MAPK8: variants seen among roughly 807,000 people sequenced by gnomAD.
The protein encoded by MAPK8 is mitogen-activated protein kinase 8.
Under a neutral mutation model 52.9 loss-of-function variants are expected in MAPK8, and 13 were observed. The observed-to-expected ratio is 0.25, with a 90% confidence interval of 0.16 to 0.39. The LOEUF (loss-of-function observed/expected upper bound fraction) is 0.39. MAPK8 is among the 10% of genes least tolerant of loss of function. The pLI is 1.00. For missense variants in MAPK8, 300 were observed against 519.2 expected (o/e 0.58, Z 4.10); for synonymous variants, 191 against 169.8 (o/e 1.12, Z -0.97).
At chr10:48,335,421 T>C (rs1844591068) in intron 1 of MAPK8, among the ~76,000 whole-genome samples, 1 of 152,200 alleles carries the variant, frequency 6.6e-6, no homozygotes, top group South Asian at 2.1e-4. Context: ...ACAGCTGCCA[T>C]ATTATATAAT....
In MAPK8 at chr10:48,339,808, A is replaced by G. The variant is rs191786236; in HGVS notation, c.-50+32987A>G. On this transcript the variant is annotated intron_variant, in intron 1 of 11. Coordinates refer to ENST00000374189, the MANE Select transcript of MAPK8 (RefSeq NM_001323329.2). Reference sequence around the variant, plus strand: ...GCGAAAAAAGGTGAAATAATGTGCAACATCACTAATCATCAGAGAAATGAA... The same window carrying G: ...GCGAAAAAAGGTGAAATAATGTGCAGCATCACTAATCATCAGAGAAATGAA... 3.0e-4 allele frequency among the ~76,000 whole-genome samples: 46 copies of G among 152,340 alleles called. No individual in the cohort carries two copies. In the East Asian group the frequency reaches 6.4e-3, roughly 21 times the overall value.
intron 2 of MAPK8, among the ~76,000 whole-genome samples, chr10:48,402,637 A>G (rs1419195078): frequency 6.6e-6 from 1 of 152,226 alleles, no homozygotes; most frequent in East Asian, 1.9e-4. Context: ...GCCTCACTCA[A>G]GAATAATTAT....
At chr10:48,396,205 A>T (rs560136066) in intron 1 of MAPK8, among the ~76,000 whole-genome samples, 2 of 152,184 alleles carry the variant, frequency 1.3e-5, no homozygotes, top group African/African-American at 2.4e-5. Context: ...CGCATGTCTG[A>T]TAAATGTGTA....
chr10:48,356,645 C>A (rs562186734), intron 1 of MAPK8, among the ~76,000 whole-genome samples: 6 of 151,836 alleles, frequency 4.0e-5, no homozygotes, highest in African/African-American at 1.4e-4. Context: ...AGTTCAAGAC[C>A]AGCCTGGCCA....
intron 1 of MAPK8, among the ~76,000 whole-genome samples, chr10:48,363,912 T>C (rs1847795779): frequency 6.6e-6 from 1 of 152,232 alleles, no homozygotes; most frequent in African/African-American, 2.4e-5. Flanking sequence ...TTCATATCAG[T>C]AGTAAAAAGT....
chr10:48,423,050 T>C (rs573879369), intron 6 of MAPK8, among the ~76,000 whole-genome samples: 1 of 152,318 alleles, frequency 6.6e-6, no homozygotes, highest in African/African-American at 2.4e-5. Context: ...GGCTTTTCCT[T>C]CTAAATTGCT....
At chr10:48,350,052 C>T (rs1846158611) in intron 1 of MAPK8, among the ~76,000 whole-genome samples, 1 of 152,050 alleles carries the variant, frequency 6.6e-6, no homozygotes, top group South Asian at 2.1e-4. Flanking sequence ...ATATAGCCTC[C>T]CAAGACTAAA....
At position 48,435,056 on chromosome 10, in the gene MAPK8, G is replaced by GTGT; in HGVS notation, c.*27_*28insTGT. The GTGT allele has an allele frequency of 1.6e-6, 2 of 1,214,558 alleles. No homozygotes were observed. The highest frequency in any genetic ancestry group is 2.3e-6 in the Non-Finnish European group (2 of 870,324). The allele number at this position is 1,214,558 out of a possible 1,614,324, so 75.2% of individuals were successfully genotyped here. A position where few individuals can be genotyped will look rare whatever the true frequency, so the allele number is the denominator to read the frequency against. On this transcript the variant is annotated 3_prime_UTR_variant, in exon 12 of 12. Transcript: ENST00000374189. ...TACTTGGGCCATCGGGGGGTGGGAG[G>GTGT]GATGGGGAGTCGGTTAGTCATTGAT...
intron 7 of MAPK8, chr10:48,424,492 T>C: frequency 6.7e-7 from 1 of 1,489,784 alleles, no homozygotes. Flanking sequence ...TTTATGTTAA[T>C]GTCATTGCAT....
chr10:48,397,136 T>G (rs1287066423), intron 1 of MAPK8, among the ~76,000 whole-genome samples: 1 of 151,952 alleles, frequency 6.6e-6, no homozygotes, highest in Non-Finnish European at 1.5e-5. Context: ...TTACTTATGG[T>G]AATTTTAATT....
At chr10:48,316,158 T>C (rs1432329157) in intron 1 of MAPK8, among the ~76,000 whole-genome samples, 1 of 152,196 alleles carries the variant, frequency 6.6e-6, no homozygotes, top group Non-Finnish European at 1.5e-5. Context: ...CACCACATGG[T>C]GAGGTTTCGG....
chr10:48,395,524 G>C (rs1460233683), intron 1 of MAPK8, among the ~76,000 whole-genome samples: 3 of 151,918 alleles, frequency 2.0e-5, no homozygotes, highest in African/African-American at 7.2e-5. Flanking sequence ...AACTGTGAAA[G>C]AAAAAATAAA....
intron 1 of MAPK8, among the ~76,000 whole-genome samples, chr10:48,349,206 C>A (rs1589027745): frequency 6.6e-6 from 1 of 152,070 alleles, no homozygotes; most frequent in Non-Finnish European, 1.5e-5. Context: ...CTGTCAATAT[C>A]AGACAGATCG....
intron 1 of MAPK8, among the ~76,000 whole-genome samples, chr10:48,342,036 A>G (rs1441360338): frequency 2.6e-5 from 4 of 152,250 alleles, no homozygotes; most frequent in Non-Finnish European, 5.9e-5. Flanking sequence ...GGAGTGGTGG[A>G]AGATGTGGCA....
intron 1 of MAPK8, among the ~76,000 whole-genome samples, chr10:48,328,641 A>G (rs1476907127): frequency 6.6e-6 from 1 of 152,210 alleles, no homozygotes; most frequent in Non-Finnish European, 1.5e-5. Flanking sequence ...TGACACATTG[A>G]GATCAGCACT....
intron 5 of MAPK8, chr10:48,410,432 C>T (rs1017867605): frequency 5.7e-5 from 17 of 296,660 alleles, no homozygotes; most frequent in African/African-American, 3.2e-4. Flanking sequence ...ATATGAAATA[C>T]GGCGTGATGT....
intron 1 of MAPK8, among the ~76,000 whole-genome samples, chr10:48,364,005 T>G (rs535380635): frequency 6.6e-6 from 1 of 152,358 alleles, no homozygotes; most frequent in East Asian, 1.9e-4. Context: ...CTATTTAGAT[T>G]TCTTCAAACT....
chr10:48,424,467 A>G (rs766689765), intron 7 of MAPK8: 2 of 1,192,870 alleles, frequency 1.7e-6, no homozygotes, highest in Non-Finnish European at 2.3e-6. Flanking sequence ...TTTTTTTTTT[A>G]TTTTAACCAA....
chr10:48,375,590 A>G (rs528469871), intron 1 of MAPK8, among the ~76,000 whole-genome samples: 2 of 152,222 alleles, frequency 1.3e-5, no homozygotes, highest in Admixed American at 6.5e-5. Context: ...CTATACATCA[A>G]TAACAGACAG....
Sources: allele counts gnomAD v4.1 joint callset (sites outside exome capture counted in the v4.1 genomes callset), GRCh38; gene constraint gnomAD v4.1.1; transcripts MANE v1.5; gene names NCBI Gene and HGNC (gene_info 2026-07-23, HGNC 2026-07-21).